The following HYDIN variants were observed in gnomAD, a reference collection of about 807,000 sequenced individuals.
HYDIN encodes axonemal central pair apparatus protein HYDIN.
Under a neutral mutation model 403.9 loss-of-function variants are expected in HYDIN, and 132 were observed. The ratio of observed to expected loss-of-function variants is 0.33; its 90% confidence interval spans 0.28 to 0.38. The LOEUF is 0.38. Among genes scored for constraint, HYDIN ranks in the 10% least tolerant of loss-of-function variants. The pLI is 1.00. For synonymous variants in HYDIN, 1,202 were observed against 1,891.7 expected (o/e 0.64, Z 9.46); for missense variants, 2,827 against 5,009.5 (o/e 0.56, Z 13.15).
At chr16:70,813,707 CTTTT>C (rs1029110277) in intron 84 of HYDIN, among the ~76,000 whole-genome samples, 72 of 151,818 alleles carry the variant, frequency 4.7e-4, no homozygotes, top group Middle Eastern at 6.8e-3. Context: ...TTTTTCTTTT[CTTTT>C]TATTTTTTAT....
At chr16:70,922,718 T>C (rs1302693073) in intron 45 of HYDIN, among the ~76,000 whole-genome samples, 1 of 150,808 alleles carries the variant, frequency 6.6e-6, no homozygotes, top group East Asian at 1.9e-4. Context: ...AAACACTGAA[T>C]ATCAACAAAT....
intron 23 of HYDIN, among the ~76,000 whole-genome samples, chr16:70,993,204 T>C (rs1417630918): frequency 6.6e-6 from 1 of 152,220 alleles, no homozygotes; most frequent in African/African-American, 2.4e-5. Context: ...GAGTATCATT[T>C]CCTAAATTTC....
At chr16:71,188,135 T>A (rs926068503) in intron 1 of HYDIN, among the ~76,000 whole-genome samples, 8 of 152,186 alleles carry the variant, frequency 5.3e-5, no homozygotes, top group African/African-American at 1.9e-4. Flanking sequence ...TTATTTTTTT[T>A]AAATACTTCT....
chr16:70,906,753 G>A (rs1383728733), intron 50 of HYDIN, among the ~76,000 whole-genome samples: 1 of 151,988 alleles, frequency 6.6e-6, no homozygotes, highest in African/African-American at 2.4e-5. Flanking sequence ...GGCCCCTAGT[G>A]ACCTCCATGT....
At chr16:71,112,009 AC>A (rs1471301660) in intron 10 of HYDIN, among the ~76,000 whole-genome samples, 1 of 123,242 alleles carries the variant, frequency 8.1e-6, no homozygotes, top group Non-Finnish European at 1.7e-5. Context: ...CACATTTCAG[AC>A]CCCAAATATG....
chr16:70,844,450 T>TGTA lies in HYDIN; in HGVS notation c.12874-4220_12874-4218dup, dbSNP rs1222537109. ...CATGCTGTTTTGGTTACTCTAGCCT[T>TGTA]GTAGTATAGTTTGAAGTCAGGTAGT... On this transcript the variant is annotated intron_variant, in intron 75 of 85. Transcript: ENST00000393567. Among the ~76,000 whole-genome samples the TGTA allele has an allele frequency of 7.4e-5, 11 of 148,136 alleles. No homozygotes were observed. The East Asian group carries it at 2.2e-3, about 29-fold the overall frequency.
chr16:71,008,477 C>T (rs370083063), intron 23 of HYDIN, among the ~76,000 whole-genome samples: 72 of 152,222 alleles, frequency 4.7e-4, no homozygotes, highest in African/African-American at 1.5e-3. Flanking sequence ...GTCAAGATTA[C>T]GGCAGCTTCC....
chr16:71,028,531 C>T (rs1399825892), intron 19 of HYDIN, among the ~76,000 whole-genome samples: 3 of 151,282 alleles, frequency 2.0e-5, no homozygotes, highest in Admixed American at 6.6e-5. Context: ...TCTAAGATCT[C>T]GGATATGGTT....
rs2035100166 is a variant in HYDIN, at chr16:70,806,237, G to T, written c.*1343C>A. Reference sequence around the variant, plus strand: ...TATGTATGTAAAGGAAAATACCACAGTATATGGAGTGTTCAGTACTATCTG... The same window carrying T: ...TATGTATGTAAAGGAAAATACCACATTATATGGAGTGTTCAGTACTATCTG... On this transcript the variant is annotated 3_prime_UTR_variant, in exon 86 of 86. Transcript: ENST00000393567. Among the ~76,000 whole-genome samples, 1 of 152,152 alleles carries T rather than the reference G, an allele frequency of 6.6e-6. No individual in the cohort carries two copies. The highest frequency in any genetic ancestry group is 2.1e-4 in the South Asian group (1 of 4,830).
chr16:71,203,735 G>A (rs1284237165), intron 1 of HYDIN: 1 of 455,998 alleles, frequency 2.2e-6, no homozygotes, highest in East Asian at 7.0e-5. Flanking sequence ...CAATGTCTTT[G>A]CAGAGGCTCA....
chr16:70,982,630 T>C (rs1184064844), intron 28 of HYDIN, among the ~76,000 whole-genome samples: 1 of 144,166 alleles, frequency 6.9e-6, no homozygotes, highest in Non-Finnish European at 1.5e-5. Flanking sequence ...TTCGTCTTCC[T>C]TTTCTTTTCA....
intron 45 of HYDIN, chr16:70,933,478 G>C (rs1405869839): frequency 6.7e-6 from 1 of 149,714 alleles, no homozygotes; most frequent in African/African-American, 2.5e-5. Context: ...GGGAGGCAGT[G>C]CAAGAACCAG....
At chr16:71,209,104 T>C (rs2088448962) in intron 1 of HYDIN, among the ~76,000 whole-genome samples, 1 of 151,304 alleles carries the variant, frequency 6.6e-6, no homozygotes, top group South Asian at 2.1e-4. Flanking sequence ...AAAGAAAATG[T>C]CAGGCCAATA....
chr16:70,907,070 A>T (rs1260639426), intron 50 of HYDIN, among the ~76,000 whole-genome samples: 1 of 151,866 alleles, frequency 6.6e-6, no homozygotes, highest in Non-Finnish European at 1.5e-5. Flanking sequence ...TGCTTCATGT[A>T]ACTACAGAAA....
At chr16:71,066,184 C>G (rs1996047) in intron 15 of HYDIN, among the ~76,000 whole-genome samples, 1 of 150,910 alleles carries the variant, frequency 6.6e-6, no homozygotes, top group African/African-American at 2.4e-5. Flanking sequence ...TCTGAATAAG[C>G]CTGCATAGAC....
intron 50 of HYDIN, among the ~76,000 whole-genome samples, chr16:70,905,717 A>G (rs1774455): frequency 6.6e-6 from 1 of 151,686 alleles, no homozygotes; most frequent in African/African-American, 2.4e-5. Flanking sequence ...TTGGATTACC[A>G]TAGTCACTGT....
intron 35 of HYDIN, among the ~76,000 whole-genome samples, chr16:70,971,433 G>C (rs1466959535): frequency 3.9e-5 from 6 of 151,984 alleles, no homozygotes; most frequent in Non-Finnish European, 1.5e-5. Flanking sequence ...GCATCCCATA[G>C]TTCCTAGTCT....
chr16:71,174,643 C>T (rs980972277), intron 5 of HYDIN, among the ~76,000 whole-genome samples: 4 of 152,074 alleles, frequency 2.6e-5, no homozygotes, highest in African/African-American at 9.7e-5. Flanking sequence ...GGGAGGAAGC[C>T]TCCACCCTCA....
chr16:71,010,633 C>A (rs1035160323), intron 23 of HYDIN, among the ~76,000 whole-genome samples: 7 of 152,006 alleles, frequency 4.6e-5, no homozygotes, highest in African/African-American at 1.7e-4. Context: ...GCTCAGCCAC[C>A]CAGCAGGGTC....
Sources: gnomAD v4.1 joint callset for allele counts (sites outside exome capture counted in the v4.1 genomes callset) on GRCh38, gnomAD v4.1.1 for gene constraint, MANE v1.5 for transcripts, NCBI Gene and HGNC (gene_info 2026-07-23, HGNC 2026-07-21) for gene names.